Variants in HS6ST3 observed in about 807,000 individuals in gnomAD.
HS6ST3 encodes the protein heparan-sulfate 6-O-sulfotransferase 3.
Under a neutral mutation model 36.7 loss-of-function variants are expected in HS6ST3, and 12 were observed. The ratio of observed to expected loss-of-function variants is 0.33; its 90% confidence interval spans 0.21 to 0.53. The LOEUF is 0.53. HS6ST3 is among the 20% of genes least tolerant of loss of function. HS6ST3 has a pLI of 0.95. For missense variants in HS6ST3, 584 were observed against 640.9 expected (o/e 0.91, Z 0.96); for synonymous variants, 240 against 257.5 (o/e 0.93, Z 0.65).
At chr13:96,218,908 G>C (rs1404451645) in intron 1 of HS6ST3, among the ~76,000 whole-genome samples, 1 of 152,174 alleles carries the variant, frequency 6.6e-6, no homozygotes, top group East Asian at 1.9e-4. Flanking sequence ...GAAGTTTTCA[G>C]TTAAGAACCT....
chr13:96,719,153 A>AT (rs1875781368), intron 1 of HS6ST3, among the ~76,000 whole-genome samples: 1 of 152,038 alleles, frequency 6.6e-6, no homozygotes, highest in African/African-American at 2.4e-5. Flanking sequence ...GGGCGCCTGT[A>AT]GTCCCAGCTA....
chr13:96,337,629 A>G (rs1156604110), intron 1 of HS6ST3, among the ~76,000 whole-genome samples: 1 of 152,156 alleles, frequency 6.6e-6, no homozygotes, highest in African/African-American at 2.4e-5. Flanking sequence ...ACTGTGATCT[A>G]CATCAGGGAA....
At chr13:96,179,158 A>G (rs2054226903) in intron 1 of HS6ST3, among the ~76,000 whole-genome samples, 1 of 152,198 alleles carries the variant, frequency 6.6e-6, no homozygotes, top group African/African-American at 2.4e-5. Context: ...TAGTGGGTAG[A>G]AAAGAGAGTT....
intron 1 of HS6ST3, among the ~76,000 whole-genome samples, chr13:96,257,676 T>A (rs960362362): frequency 6.6e-6 from 1 of 152,216 alleles, no homozygotes; most frequent in Non-Finnish European, 1.5e-5. Flanking sequence ...TACATATTTC[T>A]AAGTAAAAGT....
At chr13:96,325,488 A>G (rs1459875787) in intron 1 of HS6ST3, among the ~76,000 whole-genome samples, 1 of 152,184 alleles carries the variant, frequency 6.6e-6, no homozygotes, top group Non-Finnish European at 1.5e-5. Flanking sequence ...TAGAATAACA[A>G]ATAGTTGCCA....
At chr13:96,780,384 G>A (rs1279315712) in intron 1 of HS6ST3, among the ~76,000 whole-genome samples, 3 of 152,134 alleles carry the variant, frequency 2.0e-5, no homozygotes, top group Non-Finnish European at 4.4e-5. Flanking sequence ...GCAAGGAGCT[G>A]GACAAGGCAG....
chr13:96,566,463 G>T lies in HS6ST3; in HGVS notation c.708-266027G>T, dbSNP rs117994071. Among the ~76,000 whole-genome samples, 53 of 152,080 alleles carry T rather than the reference G, an allele frequency of 3.5e-4. No homozygotes were observed. The East Asian group carries it at 8.3e-3, about 24-fold the overall frequency. On this transcript the variant is annotated intron_variant, in intron 1 of 1. Coordinates refer to ENST00000376705, the MANE Select transcript of HS6ST3 (RefSeq NM_153456.4). ...CAAAAGAGTAAACATAAGACATTTTGTTCATGACTCAAATATTTGACTCTA... is the reference window on the plus strand; with the variant it reads ...CAAAAGAGTAAACATAAGACATTTTTTTCATGACTCAAATATTTGACTCTA...
At chr13:96,600,135 G>A (rs754801880) in intron 1 of HS6ST3, among the ~76,000 whole-genome samples, 53 of 152,166 alleles carry the variant, frequency 3.5e-4, no homozygotes, top group Non-Finnish European at 6.3e-4. Context: ...TTCTGTAAAT[G>A]TCTGTTAGGG....
rs143373831 is a variant in HS6ST3, at chr13:96,682,878, G to A, written c.708-149612G>A. On this transcript the variant is annotated intron_variant, in intron 1 of 1. Transcript: ENST00000376705. The stretch of plus-strand genomic sequence containing the variant: ...TTAGTGTCACCCGAAAAAGAAAATC[G>A]TTGACACATTTTCAGAAGCAACTTT... Among the ~76,000 whole-genome samples, 65 of 152,054 alleles carry A rather than the reference G, an allele frequency of 4.3e-4. No homozygotes were observed. In the East Asian group the frequency reaches 9.5e-3, roughly 22 times the overall value.
intron 1 of HS6ST3, among the ~76,000 whole-genome samples, chr13:96,169,136 C>T (rs2139333258): frequency 6.6e-6 from 1 of 152,132 alleles, no homozygotes. Context: ...ATCCTAGAAT[C>T]AGCATATCAG....
chr13:96,511,094 C>T lies in HS6ST3; in HGVS notation c.708-321396C>T, dbSNP rs140874213. 3.9e-5 allele frequency among the ~76,000 whole-genome samples: 6 copies of T among 152,236 alleles called. No individual in the cohort carries two copies. In the East Asian group the frequency reaches 1.2e-3, roughly 29 times the overall value. ...TAGTCTAGATGTAAGTTGGGATTGA[C>T]TCAGCACACTGAGATGCATGGTCAC... is the stretch of plus-strand genomic sequence containing the variant. On this transcript the variant is annotated intron_variant, in intron 1 of 1. Transcript: ENST00000376705.
chr13:96,386,419 C>T (rs972893961), intron 1 of HS6ST3, among the ~76,000 whole-genome samples: 1 of 152,126 alleles, frequency 6.6e-6, no homozygotes, highest in African/African-American at 2.4e-5. Flanking sequence ...TTTCCATTTC[C>T]CTTAGCCTGA....
chr13:96,577,240 G>A (rs868111961), intron 1 of HS6ST3, among the ~76,000 whole-genome samples: 1 of 152,164 alleles, frequency 6.6e-6, no homozygotes, highest in Non-Finnish European at 1.5e-5. Context: ...TGTTGAACTC[G>A]CACTTATGAG....
chr13:96,687,705 C>A (rs1021480715), intron 1 of HS6ST3, among the ~76,000 whole-genome samples: 1 of 151,638 alleles, frequency 6.6e-6, no homozygotes, highest in Non-Finnish European at 1.5e-5. Flanking sequence ...TGGTTGGTGG[C>A]ATTGGGAATA....
At chr13:96,160,632 G>A (rs979733039) in intron 1 of HS6ST3, among the ~76,000 whole-genome samples, 1 of 152,162 alleles carries the variant, frequency 6.6e-6, no homozygotes, top group African/African-American at 2.4e-5. Flanking sequence ...TTTACTCTGG[G>A]TTACCTATTA....
intron 1 of HS6ST3, among the ~76,000 whole-genome samples, chr13:96,269,062 G>A (rs1303285976): frequency 2.0e-5 from 3 of 151,906 alleles, no homozygotes; most frequent in East Asian, 1.9e-4. Context: ...TTATCTTTCT[G>A]TTCAGTGCTC....
At chr13:96,679,918 C>T (rs1383808540) in intron 1 of HS6ST3, among the ~76,000 whole-genome samples, 1 of 152,120 alleles carries the variant, frequency 6.6e-6, no homozygotes, top group Non-Finnish European at 1.5e-5. Flanking sequence ...CCTTGGGCAT[C>T]ATAAGAAATG....
intron 1 of HS6ST3, among the ~76,000 whole-genome samples, chr13:96,575,392 A>G (rs1476001315): frequency 6.6e-6 from 1 of 152,226 alleles, no homozygotes; most frequent in Non-Finnish European, 1.5e-5. Flanking sequence ...TCTCAGAAAC[A>G]TAGATGGGCA....
At chr13:96,697,898 G>A (rs1875174441) in intron 1 of HS6ST3, among the ~76,000 whole-genome samples, 1 of 152,076 alleles carries the variant, frequency 6.6e-6, no homozygotes, top group African/African-American at 2.4e-5. Context: ...AAGTATAAGG[G>A]AAAATTGTTT....
Sources: gnomAD v4.1 joint callset for allele counts (sites outside exome capture counted in the v4.1 genomes callset) on GRCh38, gnomAD v4.1.1 for gene constraint, MANE v1.5 for transcripts, NCBI Gene and HGNC (gene_info 2026-07-23, HGNC 2026-07-21) for gene names.